PTK7: variants seen among roughly 807,000 people sequenced by gnomAD.
The protein encoded by PTK7 is inactive tyrosine-protein kinase 7.
Under a neutral mutation model 116.6 loss-of-function variants are expected in PTK7, and 39 were observed. That is an observed-to-expected ratio of 0.33 (90% CI 0.26 to 0.44). The LOEUF (loss-of-function observed/expected upper bound fraction) is 0.44. Among genes scored for constraint, PTK7 ranks in the 20% least tolerant of loss-of-function variants. The probability of loss-of-function intolerance (pLI) is 1.00; values close to 1 mark genes in which losing one functional copy is unlikely to be tolerated. For missense variants in PTK7, 1,169 were observed against 1,425.6 expected (o/e 0.82, Z 2.90); for synonymous variants, 546 against 563.6 (o/e 0.97, Z 0.44).
chr6:43,159,786 A>C lies in PTK7; in HGVS notation c.2874-2A>C. On this transcript the variant is annotated splice_acceptor_variant, in intron 18 of 19. Coordinates refer to ENST00000230419, the MANE Select transcript of PTK7 (RefSeq NM_002821.5). LOFTEE classifies it high-confidence loss of function. ...CACCCCTGGGTTGCTTCTCTCCTGC[A>C]GTGAGTACTACCACTTCCGCCAGGC... The C allele has an allele frequency of 6.2e-7, 1 of 1,614,194 alleles. No homozygotes were observed. Among genetic ancestry groups the C allele is most frequent in the Non-Finnish European group, 8.5e-7 (1 of 1,180,024 alleles).
intron 15 of PTK7, chr6:43,144,865 A>C (rs1032668000): frequency 1.2e-4 from 51 of 426,302 alleles, no homozygotes; most frequent in Admixed American, 6.7e-4. Context: ...AAAAAAAAAA[A>C]CTAAGTTACC....
At chr6:43,123,816 C>T (rs976782808) in intron 1 of PTK7, among the ~76,000 whole-genome samples, 2 of 152,284 alleles carry the variant, frequency 1.3e-5, no homozygotes, top group South Asian at 2.1e-4. Context: ...GTACGGCAGG[C>T]TCATACCGGG....
At chr6:43,102,445 CG>C (rs1327654000) in intron 1 of PTK7, among the ~76,000 whole-genome samples, 1 of 151,546 alleles carries the variant, frequency 6.6e-6, no homozygotes, top group African/African-American at 2.4e-5. Context: ...AAAAATTAGC[CG>C]GTTGTGTTGG....
chr6:43,143,121 T>G lies in PTK7; in HGVS notation c.2048-296T>G. 3.0e-6 allele frequency: 1 copy of G among 329,882 alleles called. No individual in the cohort carries two copies. Among genetic ancestry groups the G allele is most frequent in the African/African-American group, 2.1e-5 (1 of 46,752 alleles). 20.4% of individuals were successfully genotyped at this position (329,882 alleles called of 1,614,324 possible). On this transcript the variant is annotated intron_variant, in intron 13 of 19. Transcript: ENST00000230419. The surrounding 1 kb of genome is among the most constrained non-coding windows in gnomAD (Gnocchi z 4.2). The stretch of plus-strand genomic sequence containing the variant: ...ACATTATCAAGTCACTTGGGAAGCT[T>G]AACAAATAACGTGGGTTTGTGGTAG...
At position 43,116,482 on chromosome 6, in the gene PTK7, G is replaced by A. The variant is rs186831565; in HGVS notation, c.80-12495G>A. Among the ~76,000 whole-genome samples, 248 of 152,280 alleles carry A rather than the reference G, an allele frequency of 1.6e-3. 1 individual carries two copies. Among genetic ancestry groups the A allele is most frequent in the African/African-American group, 5.3e-3 (220 of 41,554 alleles). Reference sequence around the variant, plus strand: ...TGCTCCGGGAAGTGGTTTGCAGAACGCTTCTAAATATAAAAGTATGAGACT... The same window carrying A: ...TGCTCCGGGAAGTGGTTTGCAGAACACTTCTAAATATAAAAGTATGAGACT... On this transcript the variant is annotated intron_variant, in intron 1 of 19. Coordinates refer to ENST00000230419, the MANE Select transcript of PTK7 (RefSeq NM_002821.5).
chr6:43,082,955 A>T (rs1365393117), intron 1 of PTK7, among the ~76,000 whole-genome samples: 4 of 152,214 alleles, frequency 2.6e-5, no homozygotes, highest in African/African-American at 9.6e-5. Flanking sequence ...GGGCTTTGAC[A>T]GCTGTAGTGT....
At chr6:43,138,245 C>G (rs890545738) in intron 7 of PTK7, among the ~76,000 whole-genome samples, 4 of 151,512 alleles carry the variant, frequency 2.6e-5, no homozygotes, top group African/African-American at 9.7e-5. Flanking sequence ...CAGTGTCTTA[C>G]AGCAGCCCTC....
chr6:43,093,056 G>A lies in PTK7; in HGVS notation c.79+16489G>A, dbSNP rs577084499. 5.9e-5 allele frequency among the ~76,000 whole-genome samples: 9 copies of A among 152,264 alleles called. No homozygotes were observed. The East Asian group carries it at 1.7e-3, about 29-fold the overall frequency. On this transcript the variant is annotated intron_variant, in intron 1 of 19. Transcript: ENST00000230419. ...ATGCATGTGTGCATGCTGATGGCAGGGGGGCGGGGTGACTTTAAGTCTTTA... is the reference window on the plus strand; with the variant it reads ...ATGCATGTGTGCATGCTGATGGCAGAGGGGCGGGGTGACTTTAAGTCTTTA...
chr6:43,105,662 G>C (rs574624617), intron 1 of PTK7, among the ~76,000 whole-genome samples: 2 of 152,244 alleles, frequency 1.3e-5, no homozygotes, highest in East Asian at 3.9e-4. Flanking sequence ...CATGTGAAGA[G>C]AAAAGGCCCA....
chr6:43,101,008 A>C (rs1022020180), intron 1 of PTK7, among the ~76,000 whole-genome samples: 1 of 141,002 alleles, frequency 7.1e-6, no homozygotes, highest in Admixed American at 7.1e-5. Context: ...CGAGGCGGGC[A>C]GATCACTTGA....
At chr6:43,134,304 G>T (rs180812589) in intron 7 of PTK7, among the ~76,000 whole-genome samples, 2 of 152,168 alleles carry the variant, frequency 1.3e-5, no homozygotes, top group African/African-American at 4.8e-5. Context: ...CTCCTAAAGT[G>T]CTGGGATTAT....
chr6:43,160,455 G>C (rs1202918072), intron 19 of PTK7, among the ~76,000 whole-genome samples: 1 of 152,134 alleles, frequency 6.6e-6, no homozygotes, highest in East Asian at 1.9e-4. Flanking sequence ...TTGGTAAATA[G>C]CCTTTGCCCC....
At chr6:43,103,677 C>T (rs1293236614) in intron 1 of PTK7, among the ~76,000 whole-genome samples, 1 of 152,138 alleles carries the variant, frequency 6.6e-6, no homozygotes, top group Non-Finnish European at 1.5e-5. Flanking sequence ...GTTGTTCTTC[C>T]TTAAAACTTC....
intron 1 of PTK7, among the ~76,000 whole-genome samples, chr6:43,082,254 C>T (rs1389332874): frequency 1.3e-5 from 2 of 152,176 alleles, no homozygotes; most frequent in Non-Finnish European, 2.9e-5. Context: ...TGGCTCACTG[C>T]AACCTCCACC....
At chr6:43,146,441 A>G (rs937065662) in intron 16 of PTK7, among the ~76,000 whole-genome samples, 177 bp from the exon 17 acceptor site, 3 of 143,224 alleles carry the variant, frequency 2.1e-5, no homozygotes, top group East Asian at 2.1e-4. Flanking sequence ...GGCGTCTCCT[A>G]TATATTTTTA....
intron 1 of PTK7, among the ~76,000 whole-genome samples, chr6:43,103,588 T>G (rs1325246815): frequency 2.0e-5 from 3 of 152,116 alleles, no homozygotes; most frequent in African/African-American, 7.2e-5. Flanking sequence ...TCCCCCCACC[T>G]TGGGGCTGAT....
intron 1 of PTK7, among the ~76,000 whole-genome samples, chr6:43,103,994 G>A (rs191128902): frequency 6.6e-6 from 1 of 152,178 alleles, no homozygotes; most frequent in East Asian, 1.9e-4. Context: ...TTTCTTCTTC[G>A]GTGAAGTAAC....
intron 19 of PTK7, 60 bp from the exon 20 acceptor site, chr6:43,160,661 A>T: frequency 6.3e-7 from 1 of 1,590,650 alleles, no homozygotes; most frequent in Non-Finnish European, 8.6e-7. Flanking sequence ...AAGGTCCACA[A>T]AGTGTTGAAC....
intron 1 of PTK7, among the ~76,000 whole-genome samples, chr6:43,106,449 A>T (rs993108103): frequency 1.3e-5 from 2 of 151,772 alleles, no homozygotes; most frequent in African/African-American, 4.8e-5. Flanking sequence ...CTGGGACTAC[A>T]GGCTTGCACC....
Sources: allele counts gnomAD v4.1 joint callset (sites outside exome capture counted in the v4.1 genomes callset), GRCh38; gene constraint gnomAD v4.1.1; non-coding constraint Gnocchi (gnomAD v3.1); transcripts MANE v1.5; gene names NCBI Gene and HGNC (gene_info 2026-07-23, HGNC 2026-07-21).